Variants in RABGAP1L observed in about 807,000 individuals in gnomAD.
The protein encoded by RABGAP1L is rab GTPase-activating protein 1-like.
Under a neutral mutation model 137.7 loss-of-function variants are expected in RABGAP1L, and 63 were observed. The observed-to-expected ratio is 0.46, with a 90% CI of 0.37 to 0.56. The LOEUF (loss-of-function observed/expected upper bound fraction) is 0.56. RABGAP1L is among the 20% of genes least tolerant of loss of function. RABGAP1L has a pLI of 0.00. For missense variants in RABGAP1L, 1,095 were observed against 1,244.0 expected (o/e 0.88, Z 1.80); for synonymous variants, 431 against 433.7 (o/e 0.99, Z 0.08).
intron 18 of RABGAP1L, among the ~76,000 whole-genome samples, chr1:174,756,060 A>G (rs2148687190): frequency 6.6e-6 from 1 of 152,244 alleles, no homozygotes; most frequent in East Asian, 1.9e-4. Flanking sequence ...TTAATATATG[A>G]TTGATGCCTA....
intron 17 of RABGAP1L, among the ~76,000 whole-genome samples, chr1:174,708,123 G>A (rs1680185210): frequency 1.3e-5 from 2 of 152,042 alleles, no homozygotes; most frequent in South Asian, 4.1e-4. Flanking sequence ...TGTATCTTCT[G>A]CTTCTCTTCT....
At chr1:174,737,219 C>T (rs78199276) in intron 17 of RABGAP1L, among the ~76,000 whole-genome samples, 11,797 of 152,120 alleles carry the variant, frequency 0.078, 631 homozygotes, top group East Asian at 0.31. Flanking sequence ...TTTCCTTACT[C>T]CCATATTTGA....
chr1:174,856,113 C>T lies in RABGAP1L; in HGVS notation c.2340+44153C>T, dbSNP rs746704842. ...CAGTTGGCCAGTTAAAATGGAAAGA[C>T]AAGCTGGACGCAGTGGCTCACGCCT... On this transcript the variant is annotated intron_variant, in intron 19 of 25. Coordinates refer to ENST00000681986, the MANE Select transcript of RABGAP1L (RefSeq NM_001366446.1). 4.6e-5 allele frequency among the ~76,000 whole-genome samples: 7 copies of T among 152,116 alleles called. 1 individual carries two copies. The highest frequency in any genetic ancestry group is 7.4e-5 in the Non-Finnish European group (5 of 68,020).
chr1:174,859,482 C>CAAAAAAAAAAAAAAA (rs35464065), intron 19 of RABGAP1L, among the ~76,000 whole-genome samples: 32 of 133,540 alleles, frequency 2.4e-4, no homozygotes, highest in East Asian at 1.3e-3. Context: ...GACTCCATCT[C>CAAAAAAAAAAAAAAA]AAAAAAAAAG....
intron 13 of RABGAP1L, among the ~76,000 whole-genome samples, chr1:174,629,623 A>G (rs1230178312): frequency 6.6e-6 from 1 of 152,116 alleles, no homozygotes; most frequent in African/African-American, 2.4e-5. Context: ...CCCAGGTTCA[A>G]GCGATTCTCC....
At chr1:174,272,014 T>G (rs1674595343) in intron 7 of RABGAP1L, among the ~76,000 whole-genome samples, 1 of 151,934 alleles carries the variant, frequency 6.6e-6, no homozygotes, top group Non-Finnish European at 1.5e-5. Context: ...ATCTTCTTAT[T>G]TTTAAAAACC....
chr1:174,445,101 C>T lies in RABGAP1L; in HGVS notation c.1710+50956C>T, dbSNP rs1433837334. 2.0e-5 allele frequency among the ~76,000 whole-genome samples: 3 copies of T among 151,996 alleles called. No individual in the cohort carries two copies. The East Asian group carries it at 5.8e-4, about 29-fold the overall frequency. On this transcript the variant is annotated intron_variant, in intron 13 of 25. Coordinates refer to ENST00000681986, the MANE Select transcript of RABGAP1L (RefSeq NM_001366446.1). ...AGTATATAATGCACACAGCACAATG[C>T]TTGGCATATAGAAAATACTCAACAA... is the stretch of plus-strand genomic sequence containing the variant.
At chr1:174,689,280 C>T (rs1678703707) in intron 15 of RABGAP1L, among the ~76,000 whole-genome samples, 1 of 151,752 alleles carries the variant, frequency 6.6e-6, no homozygotes, top group Non-Finnish European at 1.5e-5. Context: ...TTACAGATTC[C>T]AGAGTCCAAG....
chr1:174,969,863 G>A (rs1669985752), intron 21 of RABGAP1L, among the ~76,000 whole-genome samples: 1 of 152,148 alleles, frequency 6.6e-6, no homozygotes, highest in African/African-American at 2.4e-5. Context: ...GTGAATGCTG[G>A]CACCACCACT....
intron 18 of RABGAP1L, among the ~76,000 whole-genome samples, chr1:174,787,596 T>A (rs1372099039): frequency 6.6e-6 from 1 of 152,128 alleles, no homozygotes; most frequent in Non-Finnish European, 1.5e-5. Flanking sequence ...AGGTGACAGA[T>A]GCAATTGGAA....
intron 13 of RABGAP1L, among the ~76,000 whole-genome samples, chr1:174,625,711 TA>T (rs1672897031): frequency 6.6e-6 from 1 of 152,200 alleles, no homozygotes; most frequent in African/African-American, 2.4e-5. Flanking sequence ...CTAAAATTAC[TA>T]AAAATTATTC....
chr1:174,851,207 A>G (rs1648269187), intron 19 of RABGAP1L, among the ~76,000 whole-genome samples: 1 of 152,210 alleles, frequency 6.6e-6, no homozygotes, highest in South Asian at 2.1e-4. Flanking sequence ...GTAGAAACTA[A>G]TAGAGCAAAA....
Position 174,909,967 on chromosome 1 carries a change from G to A in RABGAP1L, c.2341-47490G>A, listed in dbSNP as rs186189242. ...ATCCTAGCTAACACGGTGAAACCCC[G>A]TCTGTACTAAAAATACAAAATATTA... On this transcript the variant is annotated intron_variant, in intron 19 of 25. Coordinates refer to ENST00000681986, the MANE Select transcript of RABGAP1L (RefSeq NM_001366446.1). Among the ~76,000 whole-genome samples the A allele has an allele frequency of 8.7e-4, 133 of 152,224 alleles. 1 individual carries two copies. The highest frequency in any genetic ancestry group is 3.0e-3 in the African/African-American group (126 of 41,544).
intron 11 of RABGAP1L, among the ~76,000 whole-genome samples, chr1:174,329,611 T>C (rs981175521): frequency 6.6e-6 from 1 of 152,090 alleles, no homozygotes; most frequent in Admixed American, 6.6e-5. Flanking sequence ...CAAAAGCCCA[T>C]TAAAAAGGTA....
chr1:174,891,907 A>G (rs1472839175), intron 19 of RABGAP1L, among the ~76,000 whole-genome samples: 1 of 152,252 alleles, frequency 6.6e-6, no homozygotes, highest in Non-Finnish European at 1.5e-5. Context: ...TGAAACACAG[A>G]AAGAAAATAC....
intron 14 of RABGAP1L, among the ~76,000 whole-genome samples, chr1:174,674,029 G>C (rs1230013657): frequency 6.7e-6 from 1 of 148,446 alleles, no homozygotes; most frequent in Admixed American, 6.7e-5. Flanking sequence ...AACATGATTT[G>C]TAATAAAATA....
intron 19 of RABGAP1L, among the ~76,000 whole-genome samples, chr1:174,836,019 C>T (rs955553970): frequency 7.2e-5 from 11 of 152,168 alleles, no homozygotes; most frequent in African/African-American, 2.7e-4. Context: ...ACTTTTCTGC[C>T]ATCTGAACTT....
At chr1:174,801,575 A>C (rs1688760377) in intron 18 of RABGAP1L, among the ~76,000 whole-genome samples, 1 of 152,236 alleles carries the variant, frequency 6.6e-6, no homozygotes, top group South Asian at 2.1e-4. Flanking sequence ...TGTCATTCCA[A>C]AACAAAGTTT....
intron 19 of RABGAP1L, among the ~76,000 whole-genome samples, chr1:174,825,057 A>G (rs1001282536): frequency 2.6e-5 from 4 of 152,144 alleles, no homozygotes; most frequent in African/African-American, 9.7e-5. Flanking sequence ...TGTTACTTCA[A>G]CCTGTGAGAG....
Sources: allele counts gnomAD v4.1 joint callset (sites outside exome capture counted in the v4.1 genomes callset), GRCh38; gene constraint gnomAD v4.1.1; transcripts MANE v1.5; gene names NCBI Gene and HGNC (gene_info 2026-07-23, HGNC 2026-07-21).